ABCC5: variants seen among roughly 807,000 people sequenced by gnomAD.
ABCC5 encodes ATP binding cassette subfamily C member 5.
ABCC5 carries 61 observed loss-of-function variants against 160.9 expected under a neutral mutation model. That is an observed-to-expected ratio of 0.38 (90% CI 0.31 to 0.47). The LOEUF is 0.47. Among genes scored for constraint, ABCC5 ranks in the 20% least tolerant of loss-of-function variants. The pLI is 0.99. For synonymous variants in ABCC5, 666 were observed against 700.6 expected (o/e 0.95, Z 0.78); for missense variants, 1,308 against 1,813.3 (o/e 0.72, Z 5.06).
At chr3:183,925,052 G>A (rs968686341) in intron 29 of ABCC5, among the ~76,000 whole-genome samples, 3 of 152,236 alleles carry the variant, frequency 2.0e-5, no homozygotes, top group African/African-American at 4.8e-5. Context: ...CAGGCTGTGG[G>A]AACGCCTGAA....
intron 14 of ABCC5, 142 bp downstream of exon 14, chr3:183,965,043 G>T: frequency 1.3e-6 from 1 of 756,030 alleles, no homozygotes; most frequent in Non-Finnish European, 2.2e-6. Flanking sequence ...ATGGACACAT[G>T]CTTTCCTAAC....
At chr3:183,926,823 G>C (rs1560465722) in intron 28 of ABCC5, among the ~76,000 whole-genome samples, 1 of 151,950 alleles carries the variant, frequency 6.6e-6, no homozygotes, top group Non-Finnish European at 1.5e-5. Flanking sequence ...AAAGCGGGCA[G>C]ATCACGAGGT....
chr3:183,951,547 C>G lies in ABCC5; in HGVS notation c.2838G>C (p.Arg946=). The change falls in exon 20 of 30, where the codon CGG becomes CGC. Residue 946 remains arginine, a synonymous_variant. Coordinates refer to ENST00000334444, the MANE Select transcript of ABCC5 (RefSeq NM_005688.4). The surrounding 1 kb of genome is among the most constrained non-coding windows in gnomAD (Gnocchi z 4.7). ...TCCTTCGGAAAAGCTCGTCATGCAGCCGGGAGGAAGCTCGCAGCGTGCCCT... is the reference window on the plus strand; with the variant it reads ...TCCTTCGGAAAAGCTCGTCATGCAGGCGGGAGGAAGCTCGCAGCGTGCCCT... ...FVKGTLRASS[R]LHDELFRRIL... The G allele has an allele frequency of 6.2e-7, 1 of 1,614,182 alleles. No homozygotes were observed. The highest frequency in any genetic ancestry group is 2.2e-5 in the East Asian group (1 of 44,882).
chr3:183,951,636 C>A lies in ABCC5; in HGVS notation c.2815-66G>T. On this transcript the variant is annotated intron_variant, in intron 19 of 29. Transcript: ENST00000334444. The surrounding 1 kb of genome is among the most constrained non-coding windows in gnomAD (Gnocchi z 4.7). ...CTCTGTTCCTACTGGTCCAGAGAAC[C>A]GCTCCGCAGCACATCCACTCCCAAA... 6.4e-7 allele frequency: 1 copy of A among 1,574,542 alleles called. No homozygotes were observed.
Position 183,988,026 on chromosome 3 carries a change from G to A in ABCC5, c.444-109C>T, listed in dbSNP as rs1240793721. Reference sequence around the variant, plus strand: ...CCAGGTTTTGCCACCACTCACACAAGTCTCTCCTTTAAAATTATGTACATA... The same window carrying A: ...CCAGGTTTTGCCACCACTCACACAAATCTCTCCTTTAAAATTATGTACATA... On this transcript the variant is annotated intron_variant, in intron 4 of 29. Coordinates refer to ENST00000334444, the MANE Select transcript of ABCC5 (RefSeq NM_005688.4). The surrounding 1 kb of genome is among the most constrained non-coding windows in gnomAD (Gnocchi z 4.4). The A allele has an allele frequency of 8.2e-7, 1 of 1,216,398 alleles. No homozygotes were observed. The highest frequency in any genetic ancestry group is 1.2e-6 in the Non-Finnish European group (1 of 857,652). 75.4% of individuals were successfully genotyped at this position (1,216,398 alleles called of 1,614,324 possible). A position where few individuals can be genotyped will look rare whatever the true frequency, so the allele number is the denominator to read the frequency against.
chr3:183,928,681 G>T (rs1310602943), intron 27 of ABCC5, 66 bp downstream of exon 27: 4 of 1,450,768 alleles, frequency 2.8e-6, no homozygotes, highest in African/African-American at 2.8e-5. Flanking sequence ...ACGGGGTGTG[G>T]CAAGGGCACT....
chr3:183,978,321 T>G (rs10460893), intron 9 of ABCC5, among the ~76,000 whole-genome samples, 182 bp downstream of exon 9: 12,732 of 151,988 alleles, frequency 0.084, 614 homozygotes, highest in Middle Eastern at 0.14. Flanking sequence ...GGTATTTTTT[T>G]TTTGTTTGTT....
intron 11 of ABCC5, 135 bp from the exon 12 acceptor site, chr3:183,967,901 C>A: frequency 1.4e-6 from 1 of 717,506 alleles, no homozygotes; most frequent in Non-Finnish European, 2.4e-6. Flanking sequence ...GGCCACTTAC[C>A]TGTTTTCTCA....
chr3:183,984,268 T>TA (rs1307257229), intron 5 of ABCC5: 1 of 985,690 alleles, frequency 1.0e-6, no homozygotes, highest in East Asian at 1.1e-4. Flanking sequence ...TCCTTGCATC[T>TA]AAAAATCAAT....
chr3:183,956,359 C>T (rs183417966), intron 17 of ABCC5, among the ~76,000 whole-genome samples: 110 of 150,318 alleles, frequency 7.3e-4, no homozygotes, highest in Non-Finnish European at 1.3e-3. Flanking sequence ...TATATCACAT[C>T]GGTTACATGC....
Position 184,014,442 on chromosome 3 carries a change from G to T in ABCC5, c.-50C>A. On this transcript the variant is annotated 5_prime_UTR_variant, in exon 2 of 30. It adds an upstream start codon to the 5' untranslated region. Transcript: ENST00000334444. ...CTCACAGACTGTTAGTTTCACATCA[G>T]AATTCCTGAAATTAAAAATTCATCA... 6.6e-7 allele frequency: 1 copy of T among 1,508,196 alleles called. No homozygotes were observed. The highest frequency in any genetic ancestry group is 1.9e-4 in the Middle Eastern group (1 of 5,208). The allele number at this position is 1,508,196 out of a possible 1,614,324, so 93.4% of individuals were successfully genotyped here.
At chr3:183,937,115 G>A (rs991763507) in intron 26 of ABCC5, among the ~76,000 whole-genome samples, 3 of 152,112 alleles carry the variant, frequency 2.0e-5, no homozygotes, top group African/African-American at 4.8e-5. Context: ...AGTGGCTCGC[G>A]CCTGTAATCC....
rs753358451 is a variant in ABCC5 at position 183,921,279 on chromosome 3, G to C, written c.*21C>G. On this transcript the variant is annotated 3_prime_UTR_variant, in exon 30 of 30. Coordinates refer to ENST00000334444, the MANE Select transcript of ABCC5 (RefSeq NM_005688.4). The surrounding 1 kb of genome is among the most constrained non-coding windows in gnomAD (Gnocchi z 4.1). ...GAATGGCAATGCTCTAAAGAAAAGA[G>C]ACTTCGTCAACAGGGAGGAGTCAGC... is the stretch of plus-strand genomic sequence containing the variant. 7.1e-7 allele frequency: 1 copy of C among 1,411,426 alleles called. No homozygotes were observed. Among genetic ancestry groups the C allele is most frequent in the East Asian group, 2.4e-5 (1 of 42,310 alleles). 87.4% of individuals were successfully genotyped at this position (1,411,426 alleles called of 1,614,324 possible).
At chr3:183,991,119 C>A (rs1719723669) in intron 2 of ABCC5, among the ~76,000 whole-genome samples, 1 of 151,776 alleles carries the variant, frequency 6.6e-6, no homozygotes, top group Non-Finnish European at 1.5e-5. Flanking sequence ...CAGCAACACA[C>A]CATCTCTACA....
In ABCC5 at chr3:183,927,416, A is replaced by C. The variant is rs757678999; in HGVS notation, c.3961T>G (p.Ser1321Ala). ...TTATCCCCATTCTCCATCACTTCAG[A>C]TTCAAGTTTCAGAGGTAGCTGAGCA... ...CIAQLPLKLE[S>A]EVMENGDNFS... Residue 1321 changes from serine to alanine, a missense_variant, in exon 28 of 30, where the codon TCT (serine) becomes GCT (alanine). By Grantham distance (99) the Ser-to-Ala change is moderately conservative. Coordinates refer to ENST00000334444, the MANE Select transcript of ABCC5 (RefSeq NM_005688.4). 4 of 1,613,562 alleles carry C rather than the reference A, an allele frequency of 2.5e-6. No homozygotes were observed. In the African/African-American group the frequency reaches 4.0e-5, roughly 16 times the overall value.
chr3:183,950,150 G>C, intron 20 of ABCC5, 25 bp from the exon 21 acceptor site: 2 of 1,581,332 alleles, frequency 1.3e-6, no homozygotes, highest in Non-Finnish European at 1.7e-6. Context: ...AAAGGAGCAA[G>C]TGTCAGATGG....
At chr3:184,011,259 T>G (rs188956078) in intron 2 of ABCC5, 2 of 152,248 alleles carry the variant, frequency 1.3e-5, no homozygotes, top group African/African-American at 2.4e-5. Flanking sequence ...CTCTTTCTCC[T>G]GTACAGGTTT....
At position 183,921,077 on chromosome 3, in the gene ABCC5, A is replaced by G. The variant is rs555210838; in HGVS notation, c.*223T>C. ...GGTTCCCTGAACCTTTTAGAGTGCAATTAAGAACAAAAACTAAATTTTGTT... is the reference window on the plus strand; with the variant it reads ...GGTTCCCTGAACCTTTTAGAGTGCAGTTAAGAACAAAAACTAAATTTTGTT... On this transcript the variant is annotated 3_prime_UTR_variant, in exon 30 of 30. Coordinates refer to ENST00000334444, the MANE Select transcript of ABCC5 (RefSeq NM_005688.4). The surrounding 1 kb of genome is among the most constrained non-coding windows in gnomAD (Gnocchi z 4.1). 1 of 411,266 alleles carries G rather than the reference A, an allele frequency of 2.4e-6. No individual in the cohort carries two copies. The highest frequency in any genetic ancestry group is 5.1e-5 in the South Asian group (1 of 19,668). 25.5% of individuals were successfully genotyped at this position (411,266 alleles called of 1,614,324 possible).
intron 17 of ABCC5, among the ~76,000 whole-genome samples, chr3:183,957,997 C>T: frequency 9.5e-6 from 1 of 105,254 alleles, no homozygotes; most frequent in East Asian, 4.4e-4. Flanking sequence ...ACATCGGTTA[C>T]ATGCAGATCC....
Sources: allele counts gnomAD v4.1 joint callset (sites outside exome capture counted in the v4.1 genomes callset), GRCh38; gene constraint gnomAD v4.1.1; non-coding constraint Gnocchi (gnomAD v3.1); transcripts MANE v1.5; gene names NCBI Gene and HGNC (gene_info 2026-07-23, HGNC 2026-07-21).